The following TPD52L1 variants were observed in gnomAD, a reference collection of about 807,000 sequenced individuals.
TPD52L1 encodes the protein tumor protein D53.
In TPD52L1, 18 loss-of-function variants were observed where a neutral mutation model predicts 28.7. The ratio of observed to expected loss-of-function variants is 0.63; its 90% CI spans 0.43 to 0.93. TPD52L1 has a LOEUF of 0.93. Ranked by LOEUF, TPD52L1 falls within the 40% of genes least tolerant of loss-of-function variation. TPD52L1 has a pLI of 0.00. For synonymous variants in TPD52L1, 75 were observed against 88.8 expected, an observed-to-expected ratio of 0.84 and a Z score of 0.88; for missense variants, 203 against 254.8, an observed-to-expected ratio of 0.80 and a Z score of 1.39.
intron 1 of TPD52L1, among the ~76,000 whole-genome samples, chr6:125,172,189 CTTTCT>C (rs1791442840): frequency 8.5e-6 from 1 of 117,622 alleles, no homozygotes; most frequent in Non-Finnish European, 1.7e-5. Flanking sequence ...TTCTTTCTTT[CTTTCT>C]TTCTTTCTTT....
chr6:125,187,621 T>C (rs1792727882), intron 1 of TPD52L1, among the ~76,000 whole-genome samples: 1 of 152,216 alleles, frequency 6.6e-6, no homozygotes, highest in African/African-American at 2.4e-5. Context: ...ATTTGGCACA[T>C]ACATTTAGTA....
At chr6:125,250,060 T>G (rs1797170451) in intron 4 of TPD52L1, among the ~76,000 whole-genome samples, 1 of 152,186 alleles carries the variant, frequency 6.6e-6, no homozygotes, top group South Asian at 2.1e-4. Flanking sequence ...TCTAAACTAA[T>G]TAAATAATCC....
At chr6:125,245,157 C>G (rs1308897582) in intron 3 of TPD52L1, among the ~76,000 whole-genome samples, 1 of 152,142 alleles carries the variant, frequency 6.6e-6, no homozygotes, top group Non-Finnish European at 1.5e-5. Context: ...TATGAGAATC[C>G]TTGGGTTTAA....
intron 1 of TPD52L1, among the ~76,000 whole-genome samples, chr6:125,174,260 C>T (rs1038159990): frequency 5.3e-5 from 8 of 152,144 alleles, no homozygotes; most frequent in East Asian, 1.9e-4. Flanking sequence ...GAAACAGACA[C>T]GAAAGAACCA....
At chr6:125,246,292 G>T (rs548410704) in intron 3 of TPD52L1, among the ~76,000 whole-genome samples, 52 of 152,204 alleles carry the variant, frequency 3.4e-4, no homozygotes, top group African/African-American at 1.2e-3. Context: ...CTCTCCTCTC[G>T]CACTCTAGGA....
intron 2 of TPD52L1, among the ~76,000 whole-genome samples, chr6:125,223,582 G>A (rs923274786): frequency 2.6e-5 from 4 of 151,732 alleles, no homozygotes; most frequent in Admixed American, 6.6e-5. Flanking sequence ...GGTGGCATGC[G>A]CCTATAATCC....
intron 1 of TPD52L1, among the ~76,000 whole-genome samples, chr6:125,184,751 A>C (rs1209914494): frequency 2.0e-5 from 3 of 152,200 alleles, no homozygotes; most frequent in Non-Finnish European, 4.4e-5. Flanking sequence ...AAGAGAAAAA[A>C]AGGTAATAAG....
At chr6:125,261,373 G>A (rs1167547499) in intron 6 of TPD52L1, 3 of 152,198 alleles carry the variant, frequency 2.0e-5, no homozygotes, top group Non-Finnish European at 2.9e-5. Context: ...ACAATCCCCA[G>A]TGTTGCTGAT....
chr6:125,183,617 T>C lies in TPD52L1; in HGVS notation c.19+29647T>C, dbSNP rs1334438255. On this transcript the variant is annotated intron_variant, in intron 1 of 6. Coordinates refer to ENST00000534000, the MANE Select transcript of TPD52L1 (RefSeq NM_003287.4). ...ATGTAGTTCATATTCTCTTCATGACTCACCAGGTTCTTAAGGGAAGTATTT... is the reference window on the plus strand; with the variant it reads ...ATGTAGTTCATATTCTCTTCATGACCCACCAGGTTCTTAAGGGAAGTATTT... Among the ~76,000 whole-genome samples the C allele has an allele frequency of 9.2e-5, 14 of 152,334 alleles. No homozygotes were observed. In the East Asian group the frequency reaches 2.7e-3, roughly 29 times the overall value.
At chr6:125,191,079 C>T (rs1398709120) in intron 1 of TPD52L1, among the ~76,000 whole-genome samples, 2 of 152,178 alleles carry the variant, frequency 1.3e-5, no homozygotes, top group African/African-American at 4.8e-5. Flanking sequence ...TATGTGGAAT[C>T]TTAATATGAT....
At chr6:125,154,327 C>T in intron 1 of TPD52L1, 1 of 1,084,854 alleles carries the variant, frequency 9.2e-7, no homozygotes, top group Non-Finnish European at 1.1e-6. Flanking sequence ...CGCTCCCTTT[C>T]CCTTGAGGGA....
intron 1 of TPD52L1, among the ~76,000 whole-genome samples, chr6:125,158,338 TC>T (rs532828931): frequency 7.7e-4 from 118 of 152,288 alleles, no homozygotes; most frequent in African/African-American, 2.8e-3. Flanking sequence ...GTTTGCAAAG[TC>T]CTTTAAATGA....
chr6:125,230,362 G>T (rs1000027106), intron 3 of TPD52L1, among the ~76,000 whole-genome samples: 7 of 152,130 alleles, frequency 4.6e-5, no homozygotes, highest in Admixed American at 4.6e-4. Flanking sequence ...GGAAATCACA[G>T]AGGCTTTATC....
At chr6:125,216,951 T>G (rs903961896) in intron 1 of TPD52L1, among the ~76,000 whole-genome samples, 4 of 152,178 alleles carry the variant, frequency 2.6e-5, no homozygotes, top group Admixed American at 6.5e-5. Flanking sequence ...TTTATTCTCT[T>G]TATCTAAAAT....
intron 3 of TPD52L1, among the ~76,000 whole-genome samples, chr6:125,230,820 T>C (rs1046734455): frequency 2.6e-5 from 4 of 152,006 alleles, no homozygotes; most frequent in African/African-American, 9.7e-5. Context: ...CAGCCCAGAG[T>C]CAGGCAGAAT....
At chr6:125,218,061 T>C (rs746885686) in intron 1 of TPD52L1, among the ~76,000 whole-genome samples, 2 of 152,220 alleles carry the variant, frequency 1.3e-5, no homozygotes, top group Non-Finnish European at 2.9e-5. Context: ...CTGATGTGCA[T>C]GTATAACATC....
intron 6 of TPD52L1, among the ~76,000 whole-genome samples, chr6:125,258,269 T>G (rs1797721172): frequency 6.6e-6 from 1 of 152,094 alleles, no homozygotes; most frequent in South Asian, 2.1e-4. Context: ...CTTCATCAGT[T>G]TCATTCACCA....
At chr6:125,219,644 G>A (rs966642487) in intron 1 of TPD52L1, among the ~76,000 whole-genome samples, 4 of 152,272 alleles carry the variant, frequency 2.6e-5, no homozygotes, top group South Asian at 2.1e-4. Context: ...AAAGAATGAA[G>A]GTATTTATTT....
In TPD52L1 at chr6:125,199,735, C is replaced by A. The variant is rs965567947; in HGVS notation, c.20-20343C>A. ...GGAGATATTAAGTTTAGCTTGCCTG[C>A]AATATACAAATTAAATGTGCTAGAA... On this transcript the variant is annotated intron_variant, in intron 1 of 6. Transcript: ENST00000534000. Among the ~76,000 whole-genome samples, 3 of 152,174 alleles carry A rather than the reference C, an allele frequency of 2.0e-5. No homozygotes were observed. The East Asian group carries it at 5.8e-4, about 29-fold the overall frequency.
Sources: gnomAD v4.1 joint callset for allele counts (sites outside exome capture counted in the v4.1 genomes callset) on GRCh38, gnomAD v4.1.1 for gene constraint, MANE v1.5 for transcripts, NCBI Gene and HGNC (gene_info 2026-07-23, HGNC 2026-07-21) for gene names.